Variants in ROBO2 observed in about 807,000 individuals in gnomAD.
ROBO2 encodes the protein roundabout homolog 2.
Under a neutral mutation model 160.8 loss-of-function variants are expected in ROBO2, and 53 were observed. The observed-to-expected ratio is 0.33, with a 90% CI of 0.26 to 0.41. ROBO2 has a LOEUF of 0.41. Among genes scored for constraint, ROBO2 ranks in the 10% least tolerant of loss-of-function variants. The pLI, the probability that ROBO2 is intolerant of heterozygous loss-of-function variation, is 1.00. For missense variants in ROBO2, 1,577 were observed against 1,722.4 expected, an observed-to-expected ratio of 0.92 and a Z score of 1.49; for synonymous variants, 664 against 611.7, an observed-to-expected ratio of 1.09 and a Z score of -1.26.
At chr3:76,413,689 T>C (rs969134903) in intron 2 of ROBO2, among the ~76,000 whole-genome samples, 3 of 152,158 alleles carry the variant, frequency 2.0e-5, no homozygotes, top group African/African-American at 7.2e-5. Context: ...TTATTGTCCA[T>C]ATCATTATCA....
intron 2 of ROBO2, among the ~76,000 whole-genome samples, chr3:76,243,265 ACTGCCGGTC>A (rs548642871): frequency 1.2e-3 from 176 of 152,224 alleles, no homozygotes; most frequent in Non-Finnish European, 1.9e-3. Flanking sequence ...CTCCTTGAGC[ACTGCCGGTC>A]CTTCTATTTT....
chr3:76,331,531 C>G (rs934955853), intron 2 of ROBO2, among the ~76,000 whole-genome samples: 6 of 151,648 alleles, frequency 4.0e-5, no homozygotes, highest in African/African-American at 1.5e-4. Flanking sequence ...CTCTAGATTC[C>G]TCTGTTTGGT....
chr3:77,389,404 A>T (rs1256402577), intron 2 of ROBO2, among the ~76,000 whole-genome samples: 4 of 152,172 alleles, frequency 2.6e-5, no homozygotes, highest in African/African-American at 9.7e-5. Flanking sequence ...CAGTAGCCCC[A>T]TGCGGGCTTG....
chr3:77,463,457 G>A (rs916895078), intron 2 of ROBO2, among the ~76,000 whole-genome samples: 10 of 151,820 alleles, frequency 6.6e-5, no homozygotes, highest in East Asian at 1.9e-4. Context: ...ATCCCTACTC[G>A]CTTATTCATA....
At chr3:76,485,863 A>G (rs1190550249) in intron 2 of ROBO2, among the ~76,000 whole-genome samples, 1 of 152,232 alleles carries the variant, frequency 6.6e-6, no homozygotes, top group Non-Finnish European at 1.5e-5. Flanking sequence ...CAAAGAAACA[A>G]ACAAACAAAA....
At chr3:76,687,037 T>C (rs1038751991) in intron 2 of ROBO2, among the ~76,000 whole-genome samples, 46 of 152,094 alleles carry the variant, frequency 3.0e-4, no homozygotes, top group Non-Finnish European at 1.3e-4. Flanking sequence ...CTTTGACTTC[T>C]AAAATTTTCA....
intron 2 of ROBO2, among the ~76,000 whole-genome samples, chr3:77,019,451 G>T (rs777828234): frequency 5.9e-5 from 9 of 152,116 alleles, no homozygotes; most frequent in Non-Finnish European, 1.2e-4. Flanking sequence ...ATATGAATTT[G>T]GGGGAGACAC....
intron 2 of ROBO2, among the ~76,000 whole-genome samples, chr3:77,004,692 C>T (rs2061493380): frequency 4.6e-5 from 7 of 152,294 alleles, no homozygotes; most frequent in Middle Eastern, 3.4e-3. Flanking sequence ...ATAGGCATTT[C>T]GCTTTCAGTA....
intron 2 of ROBO2, among the ~76,000 whole-genome samples, chr3:76,635,713 G>C (rs1053087495): frequency 5.9e-5 from 9 of 152,142 alleles, no homozygotes; most frequent in African/African-American, 2.2e-4. Context: ...CCTCCAATGC[G>C]AGTGCAGACA....
intron 2 of ROBO2, among the ~76,000 whole-genome samples, chr3:76,161,086 G>A (rs190800903): frequency 7.9e-5 from 12 of 151,952 alleles, no homozygotes; most frequent in African/African-American, 1.9e-4. Flanking sequence ...CAGTTGCTTC[G>A]ATGCCATATC....
Position 77,170,121 on chromosome 3 carries a change from T to G in ROBO2, c.388+71781T>G, listed in dbSNP as rs147175194. 4.5e-3 allele frequency among the ~76,000 whole-genome samples: 691 copies of G among 152,280 alleles called. 1 individual carries two copies. Among genetic ancestry groups the G allele is most frequent in the African/African-American group, 0.015 (644 of 41,554 alleles). On this transcript the variant is annotated intron_variant, in intron 2 of 25. Transcript: ENST00000461745. The stretch of plus-strand genomic sequence containing the variant: ...CACCTTTTAAAGAGTGTACATTCTC[T>G]GTCACTGTAGCTGATTCCTGTCTTT...
intron 2 of ROBO2, among the ~76,000 whole-genome samples, chr3:76,915,671 CAAA>C (rs372827394): frequency 3.1e-5 from 3 of 96,490 alleles, no homozygotes; most frequent in African/African-American, 3.9e-5. Flanking sequence ...CTCTCGCTCT[CAAA>C]AAAAAAAAAA....
chr3:76,105,304 A>T (rs1418568084), intron 2 of ROBO2, among the ~76,000 whole-genome samples: 3 of 152,140 alleles, frequency 2.0e-5, no homozygotes, highest in African/African-American at 7.2e-5. Context: ...AGAATTGCAC[A>T]CCTTCTATAA....
rs193159524 is a variant in ROBO2, at chr3:77,215,200, G to A, written c.388+116860G>A. ...TTTCCAACTTGGTTCCATTCTCCCC[G>A]TCACTTTCAGGTACACCAATTAAAC... On this transcript the variant is annotated intron_variant, in intron 2 of 25. Transcript: ENST00000461745. Among the ~76,000 whole-genome samples the A allele has an allele frequency of 3.4e-4, 52 of 152,250 alleles. 1 individual carries two copies. The highest frequency in any genetic ancestry group is 1.4e-3 in the Admixed American group (22 of 15,286).
intron 2 of ROBO2, among the ~76,000 whole-genome samples, chr3:76,591,270 C>T (rs1327735044): frequency 1.3e-5 from 2 of 152,028 alleles, no homozygotes; most frequent in African/African-American, 2.4e-5. Flanking sequence ...TAAGGGGAAG[C>T]GGATCCTCAT....
chr3:76,923,169 A>G (rs1465113251), intron 2 of ROBO2, among the ~76,000 whole-genome samples: 5 of 152,232 alleles, frequency 3.3e-5, no homozygotes, highest in African/African-American at 9.6e-5. Context: ...AGAGGTTGCT[A>G]TGACAGAGAC....
chr3:76,391,558 C>T (rs2077154102), intron 2 of ROBO2, among the ~76,000 whole-genome samples: 1 of 151,830 alleles, frequency 6.6e-6, no homozygotes, highest in South Asian at 2.1e-4. Context: ...CTCCATTGCC[C>T]AGGCTGGAGT....
intron 16 of ROBO2, among the ~76,000 whole-genome samples, chr3:77,583,233 G>A (rs1464353922): frequency 2.6e-5 from 4 of 151,854 alleles, no homozygotes; most frequent in South Asian, 2.1e-4. Context: ...TTCAACTCAG[G>A]GATGCTGTTC....
rs368177966 is a variant in ROBO2, at chr3:76,924,679, A to G, written c.110-173335A>G. On this transcript the variant is annotated intron_variant, in intron 2 of 26. Transcript: ENST00000487694. ...CATATATATCACAGTGCTTTGCACA[A>G]ACTCACTGAATCAGAAGCAGGCATT... 2.5e-4 allele frequency among the ~76,000 whole-genome samples: 38 copies of G among 152,312 alleles called. No homozygotes were observed. In the East Asian group the frequency reaches 4.2e-3, roughly 17 times the overall value.
Sources: gnomAD v4.1 joint callset for allele counts (sites outside exome capture counted in the v4.1 genomes callset) on GRCh38, gnomAD v4.1.1 for gene constraint, MANE v1.5 for transcripts, NCBI Gene and HGNC (gene_info 2026-07-23, HGNC 2026-07-21) for gene names.